Variants in CEP290 observed in about 807,000 individuals in gnomAD.
CEP290 encodes centrosomal protein 290, also known as centrosomal protein of 290 kDa.
In CEP290, 317 loss-of-function variants were observed where a neutral mutation model predicts 344.9. The ratio of observed to expected loss-of-function variants is 0.92; its 90% CI spans 0.84 to 1.01. CEP290 has a LOEUF of 1.01. Ranked by LOEUF, CEP290 falls within the 50% of genes least tolerant of loss-of-function variation. CEP290 has a pLI of 0.00. For synonymous variants in CEP290, 932 were observed against 895.8 expected (o/e 1.04, Z -0.72); for missense variants, 2,754 against 2,761.4 (o/e 1.00, Z 0.06).
At chr12:88,097,606 C>CACAT (rs942107483) in intron 26 of CEP290, among the ~76,000 whole-genome samples, 2 of 98,718 alleles carry the variant, frequency 2.0e-5, no homozygotes, top group Non-Finnish European at 4.3e-5. Flanking sequence ...CACACACACA[C>CACAT]ACATACACAC....
chr12:88,079,297 A>AT, intron 38 of CEP290, 68 bp from the exon 39 acceptor site: 1 of 1,229,890 alleles, frequency 8.1e-7, no homozygotes, highest in Non-Finnish European at 1.1e-6. Flanking sequence ...AATATATGAT[A>AT]TAAAAAATAA....
At chr12:88,058,510 G>A in intron 49 of CEP290, 1 of 270,316 alleles carries the variant, frequency 3.7e-6, no homozygotes, top group South Asian at 5.8e-5. Context: ...GCTGCAGTTG[G>A]AGAAAAATAG....
intron 41 of CEP290, among the ~76,000 whole-genome samples, chr12:88,072,845 T>C (rs1053864661): frequency 3.3e-5 from 5 of 152,052 alleles, no homozygotes; most frequent in East Asian, 1.9e-4. Context: ...GTTAGATAGA[T>C]TGGGGAGAAG....
At chr12:88,078,033 G>T in intron 39 of CEP290, 115 bp from the exon 40 acceptor site, 2 of 411,890 alleles carry the variant, frequency 4.9e-6, no homozygotes, top group Non-Finnish European at 8.6e-6. Flanking sequence ...GAATTTTTAA[G>T]TACACAAGAG....
At chr12:88,075,064 T>A (rs778219476) in intron 41 of CEP290, among the ~76,000 whole-genome samples, 1 of 152,170 alleles carries the variant, frequency 6.6e-6, no homozygotes, top group Non-Finnish European at 1.5e-5. Flanking sequence ...CCTGGACTTG[T>A]GATTTGATCG....
intron 39 of CEP290, 105 bp from the exon 40 acceptor site, chr12:88,078,023 G>T: frequency 2.1e-5 from 9 of 422,846 alleles, no homozygotes; most frequent in Admixed American, 4.6e-5. Context: ...AATTCAGTCT[G>T]AATTTTTAAG....
chr12:88,139,942 G>C (rs776752989), intron 3 of CEP290, among the ~76,000 whole-genome samples: 48 of 152,140 alleles, frequency 3.2e-4, no homozygotes, highest in Non-Finnish European at 2.8e-4. Flanking sequence ...TTTTCGTACA[G>C]GCAAGGACTC....
intron 51 of CEP290, 49 bp from the exon 52 acceptor site, chr12:88,053,795 A>C (rs1423198432): frequency 1.1e-6 from 1 of 926,500 alleles, no homozygotes; most frequent in East Asian, 2.7e-5. Context: ...ATATTGCTTC[A>C]TAAAATATAT....
At chr12:88,110,604 G>A (rs945397126) in intron 22 of CEP290, among the ~76,000 whole-genome samples, 1 of 152,044 alleles carries the variant, frequency 6.6e-6, no homozygotes, top group Non-Finnish European at 1.5e-5. Context: ...AGCTACTCAG[G>A]AGGCTGAGGC....
intron 29 of CEP290, 101 bp downstream of exon 29, chr12:88,092,580 T>G: frequency 1.1e-6 from 1 of 940,770 alleles, no homozygotes; most frequent in Non-Finnish European, 1.5e-6. Flanking sequence ...GAAATCAGTA[T>G]CAATTACTAC....
intron 29 of CEP290, among the ~76,000 whole-genome samples, chr12:88,091,159 C>T (rs371945991): frequency 4.6e-5 from 7 of 151,978 alleles, no homozygotes; most frequent in East Asian, 3.9e-4. Flanking sequence ...TAGTATTTTC[C>T]AAATGTATAT....
At chr12:88,070,284 T>C (rs1354875595) in intron 43 of CEP290, among the ~76,000 whole-genome samples, 2 of 152,190 alleles carry the variant, frequency 1.3e-5, no homozygotes, top group Non-Finnish European at 2.9e-5. Context: ...GGACTTAAAG[T>C]AGCAGCAAAC....
intron 6 of CEP290, among the ~76,000 whole-genome samples, chr12:88,132,429 C>T (rs1028613743): frequency 2.8e-4 from 43 of 152,162 alleles, no homozygotes; most frequent in African/African-American, 1.0e-3. Flanking sequence ...GAAGAAATCT[C>T]ATTATGGACT....
intron 13 of CEP290, among the ~76,000 whole-genome samples, chr12:88,124,777 A>G (rs997277006): frequency 3.3e-5 from 5 of 152,118 alleles, no homozygotes; most frequent in African/African-American, 1.2e-4. Context: ...AGATATTGTA[A>G]GAACTTATAT....
rs771222198 is a variant in CEP290 at position 88,130,536 on chromosome 12, A to C, written c.516+9T>G. On this transcript the variant is annotated intron_variant, in intron 8 of 53. Transcript: ENST00000552810. ...AATTCCCAAGATTTCACCACACTTA[A>C]AGCCTCACCTTTTTCTTTAGACGTT... The C allele has an allele frequency of 3.1e-6, 5 of 1,595,516 alleles. No individual in the cohort carries two copies. Among genetic ancestry groups the C allele is most frequent in the Non-Finnish European group, 4.3e-6 (5 of 1,172,520 alleles).
At chr12:88,060,570 A>G (rs1192796220) in intron 47 of CEP290, among the ~76,000 whole-genome samples, 1 of 152,180 alleles carries the variant, frequency 6.6e-6, no homozygotes, top group Non-Finnish European at 1.5e-5. Context: ...AAAAGAAAAA[A>G]AAAAGAGAGA....
At chr12:88,125,061 C>T (rs528681535) in intron 13 of CEP290, among the ~76,000 whole-genome samples, 185 bp downstream of exon 13, 1 of 151,716 alleles carries the variant, frequency 6.6e-6, no homozygotes, top group Non-Finnish European at 1.5e-5. Flanking sequence ...ATAGAAAATG[C>T]ATCCATCATT....
chr12:88,066,467 TTGTTTC>T (rs2034941172), intron 44 of CEP290, among the ~76,000 whole-genome samples: 1 of 45,318 alleles, frequency 2.2e-5, no homozygotes, highest in African/African-American at 4.9e-5. Context: ...ACCCAGCTAA[TTGTTTC>T]TTTTTTTTTT....
chr12:88,139,194 A>C lies in CEP290; in HGVS notation c.251-3T>G, dbSNP rs1565929233. The C allele has an allele frequency of 9.0e-7, 1 of 1,114,360 alleles. No individual in the cohort carries two copies. Among genetic ancestry groups the C allele is most frequent in the Non-Finnish European group, 1.2e-6 (1 of 804,672 alleles). 69.0% of individuals were successfully genotyped at this position (1,114,360 alleles called of 1,614,324 possible). A position where few individuals can be genotyped will look rare whatever the true frequency, so the allele number is the denominator to read the frequency against. On this transcript the variant is annotated splice_region_variant and splice_polypyrimidine_tract_variant and intron_variant, in intron 4 of 53. Transcript: ENST00000552810. The stretch of plus-strand genomic sequence containing the variant: ...TACTTTAGTTTTTAATTGATTTTCT[A>C]TTTTTTTAAAAAAAAAGAAAAACGT...
Sources: gnomAD v4.1 joint callset for allele counts (sites outside exome capture counted in the v4.1 genomes callset) on GRCh38, gnomAD v4.1.1 for gene constraint, MANE v1.5 for transcripts, NCBI Gene and HGNC (gene_info 2026-07-23, HGNC 2026-07-21) for gene names.